Variants in PCCB observed in about 807,000 individuals in gnomAD.
PCCB encodes propionyl-CoA carboxylase beta chain, mitochondrial.
A neutral mutation model predicts 60.7 loss-of-function variants in PCCB; 43 were observed. That is an observed-to-expected ratio of 0.71 (90% CI 0.55 to 0.91). PCCB has a LOEUF of 0.91. PCCB is among the 40% of genes least tolerant of loss of function. The pLI, the probability that PCCB is intolerant of heterozygous loss-of-function variation, is 0.00. For synonymous variants in PCCB, 276 were observed against 255.9 expected, an observed-to-expected ratio of 1.08 and a Z score of -0.75; for missense variants, 766 against 702.8, an observed-to-expected ratio of 1.09 and a Z score of -1.02.
intron 5 of PCCB, among the ~76,000 whole-genome samples, chr3:136,280,485 A>G (rs1330076256): frequency 1.3e-5 from 2 of 152,102 alleles, no homozygotes; most frequent in East Asian, 1.9e-4. Context: ...AGCTGGGGCC[A>G]TAGGCATGCA....
chr3:136,306,687 T>C (rs1175782318), intron 9 of PCCB, among the ~76,000 whole-genome samples: 2 of 122,126 alleles, frequency 1.6e-5, no homozygotes, highest in African/African-American at 5.0e-5. Context: ...GGTTATATTG[T>C]CACATCTGGG....
In PCCB at chr3:136,306,839, G is replaced by A. The variant is rs1230998259; in HGVS notation, c.966+5728G>A. ...CTTAATATTTAAAACTGTAATCCAAGAAAATAGTCCAGAAATAAAATAAGA... is the reference window on the plus strand; with the variant it reads ...CTTAATATTTAAAACTGTAATCCAAAAAAATAGTCCAGAAATAAAATAAGA... On this transcript the variant is annotated intron_variant, in intron 9 of 14. Coordinates refer to ENST00000251654, the MANE Select transcript of PCCB (RefSeq NM_000532.5). 3.3e-5 allele frequency among the ~76,000 whole-genome samples: 4 copies of A among 122,514 alleles called. 2 individuals are homozygous for A. Among genetic ancestry groups the A allele is most frequent in the Non-Finnish European group, 7.3e-5 (4 of 54,940 alleles). The allele number at this position is 122,514 out of a possible 152,430, so 80.4% of individuals were successfully genotyped here. A position where few individuals can be genotyped will look rare whatever the true frequency, so the allele number is the denominator to read the frequency against.
chr3:136,272,996 C>T (rs570655862), intron 5 of PCCB, among the ~76,000 whole-genome samples: 8 of 152,094 alleles, frequency 5.3e-5, no homozygotes, highest in Admixed American at 1.3e-4. Flanking sequence ...TGCTGTATCC[C>T]CAGAGGTTTT....
chr3:136,299,538 G>GTA (rs1934118935), intron 8 of PCCB, among the ~76,000 whole-genome samples: 1 of 70,374 alleles, frequency 1.4e-5, no homozygotes, highest in Non-Finnish European at 2.9e-5. Context: ...GTATATGCAT[G>GTA]TGTATAGGTA....
intron 9 of PCCB, among the ~76,000 whole-genome samples, chr3:136,308,397 AATG>A (rs1439904669): frequency 5.3e-5 from 8 of 152,058 alleles, no homozygotes; most frequent in Non-Finnish European, 8.8e-5. Context: ...CATAGTTCAC[AATG>A]ATAATGTAAA....
At chr3:136,268,084 GTA>G (rs1942061896) in intron 5 of PCCB, among the ~76,000 whole-genome samples, 1 of 60,944 alleles carries the variant, frequency 1.6e-5, no homozygotes, top group South Asian at 5.0e-4. Flanking sequence ...GTGTGTGTGT[GTA>G]GATATATATA....
At chr3:136,299,339 CACAT>C (rs750101001) in intron 8 of PCCB, among the ~76,000 whole-genome samples, 22 of 151,808 alleles carry the variant, frequency 1.4e-4, no homozygotes, top group South Asian at 1.2e-3. Flanking sequence ...TGTGCATACA[CACAT>C]ACACATGCAT....
At chr3:136,254,786 C>T (rs183816128) in intron 1 of PCCB, among the ~76,000 whole-genome samples, 52 of 152,000 alleles carry the variant, frequency 3.4e-4, no homozygotes, top group Non-Finnish European at 5.9e-4. Context: ...TCGTCTCAGC[C>T]TCCCAAAGTG....
chr3:136,279,659 TTTTATTTATTTA>T (rs746194509), intron 5 of PCCB, among the ~76,000 whole-genome samples: 1 of 152,050 alleles, frequency 6.6e-6, no homozygotes, highest in Non-Finnish European at 1.5e-5. Context: ...TGCATTTTAT[TTTTATTTATTTA>T]TTTATTTATT....
In PCCB at chr3:136,264,440, G is replaced by GTGTGTATATATATATA; in HGVS notation, c.543+2376_543+2377insGTGTATATATATATAT. Reference sequence around the variant, plus strand: ...CTGTCTCTCATATATATGTGTGTGTGTATATATGTATATATATATATGTTC... The same window carrying GTGTGTATATATATATA: ...CTGTCTCTCATATATATGTGTGTGTGTGTGTATATATATATATATATATGTATATATATATATGTTC... On this transcript the variant is annotated intron_variant, in intron 5 of 14. Coordinates refer to ENST00000251654, the MANE Select transcript of PCCB (RefSeq NM_000532.5). Among the ~76,000 whole-genome samples the GTGTGTATATATATATA allele has an allele frequency of 2.0e-3, 248 of 123,824 alleles. 7 individuals are homozygous for GTGTGTATATATATATA. The highest frequency in any genetic ancestry group is 7.0e-3 in the African/African-American group (231 of 33,068). 81.2% of individuals were successfully genotyped at this position (123,824 alleles called of 152,430 possible). A position where few individuals can be genotyped will look rare whatever the true frequency, so the allele number is the denominator to read the frequency against.
intron 6 of PCCB, among the ~76,000 whole-genome samples, chr3:136,293,426 G>A (rs1439979081): frequency 6.6e-6 from 1 of 152,202 alleles, no homozygotes; most frequent in African/African-American, 2.4e-5. Context: ...ACACAGTTTT[G>A]TGAAGTGCTT....
intron 5 of PCCB, among the ~76,000 whole-genome samples, chr3:136,273,937 GAAT>G (rs1553776414): frequency 1.0e-5 from 1 of 97,352 alleles, no homozygotes; most frequent in Non-Finnish European, 2.2e-5. Context: ...AAAAAAAAAA[GAAT>G]AGCTCATTCT....
In PCCB at chr3:136,315,923, A is replaced by G. The variant is rs184480043; in HGVS notation, c.967-1018A>G. 8.8e-3 allele frequency among the ~76,000 whole-genome samples: 1,332 copies of G among 150,804 alleles called. 10 individuals carry two copies. The highest frequency in any genetic ancestry group is 0.021 in the Middle Eastern group (6 of 282). ...TGTTCTTATGTGTTTATATATATATAAAAGAGAGAGTGATGGTCGGGCACA... is the reference window on the plus strand; with the variant it reads ...TGTTCTTATGTGTTTATATATATATGAAAGAGAGAGTGATGGTCGGGCACA... On this transcript the variant is annotated intron_variant, in intron 9 of 14. Coordinates refer to ENST00000251654, the MANE Select transcript of PCCB (RefSeq NM_000532.5).
chr3:136,301,153 A>T, intron 9 of PCCB, 42 bp downstream of exon 9: 1 of 1,480,108 alleles, frequency 6.8e-7, no homozygotes, highest in Non-Finnish European at 9.5e-7. Flanking sequence ...CTAGTCAGCC[A>T]CATTCATGGG....
At chr3:136,255,237 C>T in intron 1 of PCCB, 1 of 157,232 alleles carries the variant, frequency 6.4e-6, no homozygotes, top group South Asian at 1.9e-4. Context: ...CACTCCCCTT[C>T]TACTCAGCCA....
At chr3:136,295,171 T>C (rs1933876067) in intron 7 of PCCB, among the ~76,000 whole-genome samples, 1 of 152,148 alleles carries the variant, frequency 6.6e-6, no homozygotes, top group African/African-American at 2.4e-5. Flanking sequence ...ACAGGAGAAA[T>C]TGCTTCTCTG....
At chr3:136,300,910 C>G in intron 8 of PCCB, 120 bp from the exon 9 acceptor site, 1 of 744,572 alleles carries the variant, frequency 1.3e-6, no homozygotes, top group Non-Finnish European at 2.5e-6. Context: ...GTAAGCCCAG[C>G]AGGGACAGAA....
At chr3:136,327,036 G>C in intron 11 of PCCB, 119 bp from the exon 12 acceptor site, 2 of 1,142,234 alleles carry the variant, frequency 1.8e-6, no homozygotes, top group Non-Finnish European at 2.7e-6. Flanking sequence ...TGGGTGTCCA[G>C]AAGATAGGGC....
At chr3:136,268,985 A>G (rs1942114649) in intron 5 of PCCB, among the ~76,000 whole-genome samples, 1 of 152,158 alleles carries the variant, frequency 6.6e-6, no homozygotes, top group Non-Finnish European at 1.5e-5. Context: ...CTTATACCTA[A>G]AATATTTCAC....
Sources: allele counts gnomAD v4.1 joint callset (sites outside exome capture counted in the v4.1 genomes callset), GRCh38; gene constraint gnomAD v4.1.1; transcripts MANE v1.5; gene names NCBI Gene and HGNC (gene_info 2026-07-23, HGNC 2026-07-21).